The following CSMD1 variants were observed in gnomAD, a reference collection of about 807,000 sequenced individuals.
The protein encoded by CSMD1 is CUB and sushi domain-containing protein 1.
A neutral mutation model predicts 417.5 loss-of-function variants in CSMD1; 213 were observed. The observed-to-expected ratio is 0.51, with a 90% CI of 0.46 to 0.57. The LOEUF (loss-of-function observed/expected upper bound fraction) is 0.57, where lower values mean the gene tolerates loss of function less well. CSMD1 is among the 20% of genes least tolerant of loss of function. The pLI, the probability that CSMD1 is intolerant of heterozygous loss-of-function variation, is 0.00. For missense variants in CSMD1, 6,923 were observed against 4,529.7 expected, an observed-to-expected ratio of 1.53 and a Z score of -15.17; for synonymous variants, 2,862 against 1,736.8, an observed-to-expected ratio of 1.65 and a Z score of -16.11.
At position 3,614,823 on chromosome 8, in the gene CSMD1, G is replaced by A. The variant is rs191933898; in HGVS notation, c.1097+1887C>T. On this transcript the variant is annotated intron_variant, in intron 8 of 69. Coordinates refer to ENST00000635120, the MANE Select transcript of CSMD1 (RefSeq NM_033225.6). Reference sequence around the variant, plus strand: ...ATAAGACACTCTCCATTCTGGAGACGCTTAAGACAGGTGAGAAAACAGATG... The same window carrying A: ...ATAAGACACTCTCCATTCTGGAGACACTTAAGACAGGTGAGAAAACAGATG... Among the ~76,000 whole-genome samples the A allele has an allele frequency of 9.2e-5, 14 of 152,280 alleles. No individual in the cohort carries two copies. In the East Asian group the frequency reaches 1.9e-3, roughly 21 times the overall value.
chr8:4,725,772 A>G (rs1261076211), intron 1 of CSMD1, among the ~76,000 whole-genome samples: 1 of 152,150 alleles, frequency 6.6e-6, no homozygotes, highest in Non-Finnish European at 1.5e-5. Context: ...CTTGAGTTAC[A>G]CAGGATTTGC....
At chr8:3,481,878 G>T (rs1188049280) in intron 11 of CSMD1, among the ~76,000 whole-genome samples, 2 of 152,086 alleles carry the variant, frequency 1.3e-5, no homozygotes, top group Non-Finnish European at 2.9e-5. Context: ...TTGGACTTCT[G>T]GTTTCCAGAA....
chr8:4,319,258 C>G (rs968326306), intron 3 of CSMD1, among the ~76,000 whole-genome samples: 1 of 152,002 alleles, frequency 6.6e-6, no homozygotes, highest in Non-Finnish European at 1.5e-5. Flanking sequence ...TTTTGCTTTC[C>G]TTCAATTTAT....
At chr8:4,923,754 G>C (rs189049310) in intron 1 of CSMD1, among the ~76,000 whole-genome samples, 3 of 152,200 alleles carry the variant, frequency 2.0e-5, no homozygotes, top group Admixed American at 6.5e-5. Flanking sequence ...CCTTGGAAAG[G>C]TCATTCTATT....
chr8:4,152,797 T>C (rs755153086), intron 3 of CSMD1, among the ~76,000 whole-genome samples: 1 of 152,190 alleles, frequency 6.6e-6, no homozygotes, highest in Non-Finnish European at 1.5e-5. Flanking sequence ...TTTATGGGAA[T>C]ATACACACAT....
At chr8:3,918,270 C>A (rs183048500) in intron 5 of CSMD1, among the ~76,000 whole-genome samples, 1 of 151,998 alleles carries the variant, frequency 6.6e-6, no homozygotes, top group Non-Finnish European at 1.5e-5. Context: ...TTGTTTTTAG[C>A]AGCCTACAAA....
chr8:4,763,267 C>T (rs934192171), intron 1 of CSMD1, among the ~76,000 whole-genome samples: 1 of 152,176 alleles, frequency 6.6e-6, no homozygotes, highest in Non-Finnish European at 1.5e-5. Context: ...AACAGTCCTT[C>T]GTGAATTTCA....
chr8:3,048,213 G>T (rs1311087779), intron 50 of CSMD1, among the ~76,000 whole-genome samples: 1 of 151,936 alleles, frequency 6.6e-6, no homozygotes. Flanking sequence ...ATAAATATTC[G>T]CGACCAACAA....
intron 10 of CSMD1, among the ~76,000 whole-genome samples, chr8:3,554,289 A>C (rs1799044795): frequency 6.6e-6 from 1 of 152,232 alleles, no homozygotes; most frequent in South Asian, 2.1e-4. Context: ...GAATATCTTA[A>C]ATGGGTCCAG....
chr8:4,294,925 T>A (rs1797576951), intron 3 of CSMD1, among the ~76,000 whole-genome samples: 1 of 151,592 alleles, frequency 6.6e-6, no homozygotes, highest in South Asian at 2.1e-4. Context: ...AACCATGTGG[T>A]CCTATTCTCT....
At chr8:4,099,547 T>G (rs1801198337) in intron 3 of CSMD1, among the ~76,000 whole-genome samples, 1 of 152,056 alleles carries the variant, frequency 6.6e-6, no homozygotes, top group Non-Finnish European at 1.5e-5. Context: ...GTGAACAAAC[T>G]GAAGTACTGT....
chr8:3,191,244 C>T (rs181975962), intron 33 of CSMD1, among the ~76,000 whole-genome samples: 1 of 152,004 alleles, frequency 6.6e-6, no homozygotes, highest in Non-Finnish European at 1.5e-5. Flanking sequence ...CACTTGAGGT[C>T]GAGAGTTCGT....
chr8:3,173,644 T>A (rs1222307820), intron 37 of CSMD1, among the ~76,000 whole-genome samples: 1 of 152,210 alleles, frequency 6.6e-6, no homozygotes, highest in Non-Finnish European at 1.5e-5. Flanking sequence ...TATATGGTCC[T>A]TCCTCTGTTG....
At chr8:3,881,250 T>G (rs1034864112) in intron 5 of CSMD1, among the ~76,000 whole-genome samples, 7 of 87,360 alleles carry the variant, frequency 8.0e-5, no homozygotes, top group Non-Finnish European at 1.1e-4. Context: ...AGAGTTTTGT[T>G]TCTTTGTTTT....
At chr8:3,773,441 T>G (rs1407516342) in intron 5 of CSMD1, among the ~76,000 whole-genome samples, 3 of 152,024 alleles carry the variant, frequency 2.0e-5, no homozygotes. Context: ...CATGCACCAC[T>G]ATGCCTGGCT....
intron 51 of CSMD1, among the ~76,000 whole-genome samples, chr8:3,020,190 T>C (rs1051181688): frequency 2.6e-5 from 4 of 152,210 alleles, no homozygotes; most frequent in Non-Finnish European, 5.9e-5. Context: ...TGCATAGGCT[T>C]GTGCATTAGA....
At chr8:3,043,000 T>C (rs4538914) in intron 50 of CSMD1, among the ~76,000 whole-genome samples, 4,940 of 149,496 alleles carry the variant, frequency 0.033, 393 homozygotes, top group African/African-American at 0.12. Context: ...ACTATAGCGA[T>C]AGGTTTCTAT....
At chr8:3,054,684 T>C (rs1487467025) in intron 49 of CSMD1, among the ~76,000 whole-genome samples, 1 of 152,200 alleles carries the variant, frequency 6.6e-6, no homozygotes, top group Admixed American at 6.5e-5. Context: ...TGTACATGTG[T>C]CCATGTGCGC....
intron 5 of CSMD1, among the ~76,000 whole-genome samples, chr8:3,766,683 A>G (rs1421918740): frequency 6.6e-6 from 1 of 152,118 alleles, no homozygotes. Flanking sequence ...TAAAAAAAAA[A>G]CATGGTAACA....
Sources: gnomAD v4.1 joint callset for allele counts (sites outside exome capture counted in the v4.1 genomes callset) on GRCh38, gnomAD v4.1.1 for gene constraint, MANE v1.5 for transcripts, NCBI Gene and HGNC (gene_info 2026-07-23, HGNC 2026-07-21) for gene names.